The following CRACDL variants were observed in gnomAD, a reference collection of about 807,000 sequenced individuals.
CRACDL encodes CRACD-like protein.
A neutral mutation model predicts 70.6 loss-of-function variants in CRACDL; 26 were observed. That is an observed-to-expected ratio of 0.37 (90% CI 0.27 to 0.51). The LOEUF is 0.51. Among genes scored for constraint, CRACDL ranks in the 20% least tolerant of loss-of-function variants. CRACDL has a pLI of 0.94. For missense variants in CRACDL, 1,283 were observed against 1,376.9 expected (o/e 0.93, Z 1.08); for synonymous variants, 618 against 615.2 (o/e 1.00, Z -0.07).
At chr2:98,798,011 C>T (rs1470962890) in intron 7 of CRACDL, among the ~76,000 whole-genome samples, 1 of 152,118 alleles carries the variant, frequency 6.6e-6, no homozygotes, top group Non-Finnish European at 1.5e-5. Flanking sequence ...AGTTGCTTTC[C>T]TTAATGTTCT....
intron 6 of CRACDL, among the ~76,000 whole-genome samples, chr2:98,825,206 A>G (rs1705253136): frequency 1.3e-5 from 2 of 152,220 alleles, no homozygotes; most frequent in South Asian, 4.1e-4. Context: ...AGGTTCCACA[A>G]CAGTGGATGG....
intron 1 of CRACDL, among the ~76,000 whole-genome samples, chr2:98,899,129 G>A (rs1237406054): frequency 6.6e-6 from 1 of 152,086 alleles, no homozygotes; most frequent in African/African-American, 2.4e-5. Context: ...CCCCACCAAG[G>A]CAGGGTGGTG....
chr2:98,821,137 T>C (rs1213319942), intron 7 of CRACDL, among the ~76,000 whole-genome samples: 3 of 152,236 alleles, frequency 2.0e-5, no homozygotes, highest in Admixed American at 6.5e-5. Context: ...TCTGTACTTA[T>C]GCAAAATCCT....
chr2:98,878,543 A>G (rs1707549666), intron 1 of CRACDL, among the ~76,000 whole-genome samples: 2 of 152,246 alleles, frequency 1.3e-5, no homozygotes, highest in Admixed American at 6.5e-5. Context: ...TGCATTTCTC[A>G]GAACATGTTC....
chr2:98,821,803 T>C lies in CRACDL; in HGVS notation c.2416+54A>G, dbSNP rs895539404. Reference sequence around the variant, plus strand: ...GCGAGTGTCCAGCAAGATGTGCCCGTGGATGTGGATCTCCCCAGGCCCTGC... The same window carrying C: ...GCGAGTGTCCAGCAAGATGTGCCCGCGGATGTGGATCTCCCCAGGCCCTGC... On this transcript the variant is annotated intron_variant, in intron 7 of 9. Transcript: ENST00000397899. 2.5e-6 allele frequency: 4 copies of C among 1,580,002 alleles called. No homozygotes were observed. The Admixed American group carries it at 5.7e-5, about 23-fold the overall frequency.
intron 1 of CRACDL, among the ~76,000 whole-genome samples, chr2:98,916,318 C>G (rs1239053690): frequency 6.6e-6 from 1 of 152,084 alleles, no homozygotes; most frequent in Non-Finnish European, 1.5e-5. Context: ...GAGAGTGGAC[C>G]AGGGGTTGCC....
chr2:98,927,334 G>T (rs1031897469), intron 1 of CRACDL, among the ~76,000 whole-genome samples: 1 of 152,234 alleles, frequency 6.6e-6, no homozygotes, highest in African/African-American at 2.4e-5. Context: ...GTCACTCTGC[G>T]GTGGTTCCTG....
intron 3 of CRACDL, among the ~76,000 whole-genome samples, chr2:98,837,400 C>T (rs1705841698): frequency 6.6e-6 from 1 of 151,884 alleles, no homozygotes; most frequent in South Asian, 2.1e-4. Flanking sequence ...TACCCCAAAC[C>T]TGAGGGATAT....
chr2:98,867,455 C>A (rs546147686), intron 1 of CRACDL, among the ~76,000 whole-genome samples: 1 of 151,988 alleles, frequency 6.6e-6, no homozygotes, highest in South Asian at 2.1e-4. Flanking sequence ...TTCATAACAG[C>A]GACCTGTTTA....
chr2:98,892,653 G>A (rs2104639002), intron 1 of CRACDL, among the ~76,000 whole-genome samples: 1 of 151,770 alleles, frequency 6.6e-6, no homozygotes, highest in African/African-American at 2.4e-5. Flanking sequence ...TCACACCACT[G>A]CACTCCAGCC....
At chr2:98,880,838 T>C (rs1052270642) in intron 1 of CRACDL, among the ~76,000 whole-genome samples, 4 of 152,186 alleles carry the variant, frequency 2.6e-5, no homozygotes, top group Non-Finnish European at 5.9e-5. Flanking sequence ...AGATGGTCAT[T>C]TGGACAAGTG....
At chr2:98,934,324 G>A (rs908653852) in intron 1 of CRACDL, among the ~76,000 whole-genome samples, 6 of 149,716 alleles carry the variant, frequency 4.0e-5, no homozygotes, top group Non-Finnish European at 8.9e-5. Flanking sequence ...TCGGCCTCCC[G>A]AGTAGCTGGA....
rs181273376 is a variant in CRACDL at position 98,901,070 on chromosome 2, C to T, written c.-11+34868G>A. Among the ~76,000 whole-genome samples the T allele has an allele frequency of 5.3e-5, 8 of 152,330 alleles. No individual in the cohort carries two copies. The East Asian group carries it at 7.7e-4, about 15-fold the overall frequency. The stretch of plus-strand genomic sequence containing the variant: ...GCACAGGGTCAAGCATGTAAAAGCA[C>T]GTGGCTCTGCCAGCCCTGAGTTTTT... On this transcript the variant is annotated intron_variant, in intron 1 of 9. Transcript: ENST00000397899.
intron 1 of CRACDL, among the ~76,000 whole-genome samples, chr2:98,926,153 C>T (rs1333090030): frequency 6.6e-6 from 1 of 152,182 alleles, no homozygotes; most frequent in Non-Finnish European, 1.5e-5. Flanking sequence ...CCAGCTGTTA[C>T]ATATAAATCA....
chr2:98,896,335 T>C lies in CRACDL; in HGVS notation c.-11+39603A>G, dbSNP rs536489352. 5.3e-5 allele frequency among the ~76,000 whole-genome samples: 8 copies of C among 152,302 alleles called. 1 individual carries two copies. The South Asian group carries it at 1.2e-3, about 24-fold the overall frequency. ...ATGCATGACTTCAGACAAGAAAATA[T>C]TTCAGAGGAATAAATCAAGAGCTGA... is the stretch of plus-strand genomic sequence containing the variant. On this transcript the variant is annotated intron_variant, in intron 1 of 9. Coordinates refer to ENST00000397899, the MANE Select transcript of CRACDL (RefSeq NM_207362.3).
intron 1 of CRACDL, among the ~76,000 whole-genome samples, chr2:98,874,255 A>G (rs1421527479): frequency 6.6e-6 from 1 of 152,208 alleles, no homozygotes; most frequent in Admixed American, 6.5e-5. Flanking sequence ...TTAATACCCC[A>G]AAGTGATGCT....
intron 1 of CRACDL, among the ~76,000 whole-genome samples, chr2:98,905,111 A>G (rs891616341): frequency 6.6e-6 from 1 of 151,798 alleles, no homozygotes; most frequent in African/African-American, 2.4e-5. Flanking sequence ...TTAGCCGGGC[A>G]TAGTGGCGGG....
intron 6 of CRACDL, among the ~76,000 whole-genome samples, chr2:98,824,928 C>T (rs771558560): frequency 2.2e-4 from 33 of 152,166 alleles, no homozygotes; most frequent in Admixed American, 3.3e-4. Flanking sequence ...TGGCCTTCTG[C>T]TACTACAGGA....
chr2:98,901,526 G>A (rs1227622424), intron 1 of CRACDL, among the ~76,000 whole-genome samples: 6 of 152,344 alleles, frequency 3.9e-5, no homozygotes, highest in East Asian at 1.9e-4. Context: ...CAAACTGGGG[G>A]CCGCAGGTGG....
Sources: gnomAD v4.1 joint callset for allele counts (sites outside exome capture counted in the v4.1 genomes callset) on GRCh38, gnomAD v4.1.1 for gene constraint, MANE v1.5 for transcripts, NCBI Gene and HGNC (gene_info 2026-07-23, HGNC 2026-07-21) for gene names.